The following APBA2 variants were observed in gnomAD, a reference collection of about 807,000 sequenced individuals.
The protein encoded by APBA2 is amyloid beta precursor protein binding family A member 2.
Under a neutral mutation model 75.0 loss-of-function variants are expected in APBA2, and 30 were observed. The observed-to-expected ratio is 0.40, with a 90% CI of 0.30 to 0.54. The LOEUF (loss-of-function observed/expected upper bound fraction) is 0.54, where lower values mean the gene tolerates loss of function less well. Among genes scored for constraint, APBA2 ranks in the 20% least tolerant of loss-of-function variants. The probability of loss-of-function intolerance (pLI) is 0.49; values close to 1 mark genes in which losing one functional copy is unlikely to be tolerated. For synonymous variants in APBA2, 444 were observed against 409.6 expected (o/e 1.08, Z -1.01); for missense variants, 801 against 1,016.1 (o/e 0.79, Z 2.88).
In APBA2 at chr15:28,998,444, C is replaced by T. The variant is rs184712006; in HGVS notation, c.-41+2638C>T. Among the ~76,000 whole-genome samples, 733 of 152,156 alleles carry T rather than the reference C, an allele frequency of 4.8e-3. 3 individuals carry two copies. Among genetic ancestry groups the T allele is most frequent in the Non-Finnish European group, 8.4e-3 (574 of 68,012 alleles). Reference sequence around the variant, plus strand: ...CTGATGTGATACTAGCATGTACCCCCGTATGGATGCATATAAATGCTGTGT... The same window carrying T: ...CTGATGTGATACTAGCATGTACCCCTGTATGGATGCATATAAATGCTGTGT... On this transcript the variant is annotated intron_variant, in intron 3 of 14. Transcript: ENST00000683413.
intron 8 of APBA2, among the ~76,000 whole-genome samples, chr15:29,096,258 C>T (rs190331855): frequency 1.3e-5 from 2 of 152,294 alleles, no homozygotes; most frequent in Admixed American, 1.3e-4. Context: ...TGTCGACACC[C>T]TCCCTTCTTC....
chr15:29,096,260 C>T (rs1479555229), intron 8 of APBA2, among the ~76,000 whole-genome samples: 2 of 152,182 alleles, frequency 1.3e-5, no homozygotes, highest in African/African-American at 4.8e-5. Context: ...TCGACACCCT[C>T]CCTTCTTCTG....
intron 6 of APBA2, among the ~76,000 whole-genome samples, chr15:29,077,641 C>T (rs1458147514): frequency 3.3e-5 from 5 of 152,112 alleles, no homozygotes; most frequent in Non-Finnish European, 7.4e-5. Flanking sequence ...CAAACAAGGC[C>T]GGTGGCTTAA....
intron 1 of APBA2, among the ~76,000 whole-genome samples, chr15:28,919,926 C>T (rs1275631074): frequency 1.3e-5 from 2 of 152,192 alleles, no homozygotes; most frequent in Non-Finnish European, 2.9e-5. Context: ...AGCTTGCTTC[C>T]TCTGTAGCCC....
intron 2 of APBA2, among the ~76,000 whole-genome samples, chr15:28,952,433 G>A (rs191341143): frequency 6.6e-6 from 1 of 152,252 alleles, no homozygotes; most frequent in East Asian, 1.9e-4. Context: ...GTGGGAGGCA[G>A]AGGCAAGAGG....
Position 29,054,955 on chromosome 15 carries a change from T to C in APBA2, c.951+120T>C, listed in dbSNP as rs2041815177. 3 of 942,502 alleles carry C rather than the reference T, an allele frequency of 3.2e-6. No individual in the cohort carries two copies. The highest frequency in any genetic ancestry group is 4.9e-6 in the Non-Finnish European group (3 of 613,828). The allele number at this position is 942,502 out of a possible 1,614,324, so 58.4% of individuals were successfully genotyped here. The stretch of plus-strand genomic sequence containing the variant: ...GGGGGTGCTGGGTGCCTCACAGTTC[T>C]AATGGTGGCTGAGCTCTTCATTGGT... On this transcript the variant is annotated intron_variant, in intron 4 of 14. Coordinates refer to ENST00000683413, the MANE Select transcript of APBA2 (RefSeq NM_001353788.2). The surrounding 1 kb of genome is among the most constrained non-coding windows in gnomAD (Gnocchi z 6.1).
chr15:28,972,698 T>A (rs2152754522), intron 2 of APBA2, among the ~76,000 whole-genome samples: 1 of 152,308 alleles, frequency 6.6e-6, no homozygotes, highest in Admixed American at 6.5e-5. Context: ...CAGCTGGCAT[T>A]AGTGATATGT....
At position 29,113,977 on chromosome 15, in the gene APBA2, C is replaced by G. The variant is rs540117581; in HGVS notation, c.2139C>G (p.His713Gln). The G allele has an allele frequency of 1.9e-6, 3 of 1,613,670 alleles. No individual in the cohort carries two copies. Among genetic ancestry groups the G allele is most frequent in the African/African-American group, 2.7e-5 (2 of 74,932 alleles). ...GGCAGAGCGTGGTGGCCACAGCCCA[C>G]GAGAAGATAGTCCAAGCTCTGTCCA... is the stretch of plus-strand genomic sequence containing the variant. ...INGQSVVATA[H>Q]EKIVQALSNS... The change falls in exon 14 of 15, where the codon CAC (histidine) becomes CAG (glutamine). Residue 713 changes from histidine (H) to glutamine (Q), a missense_variant. This residue lies in a region of APBA2 where 367 missense variants were observed against 544.5 expected (regional missense o/e 0.67). Transcript: ENST00000683413.
At chr15:28,963,339 G>A (rs780867693) in intron 2 of APBA2, among the ~76,000 whole-genome samples, 1 of 152,322 alleles carries the variant, frequency 6.6e-6, no homozygotes, top group East Asian at 1.9e-4. Context: ...CCCGGCAGGG[G>A]CATTGTTGAA....
intron 2 of APBA2, among the ~76,000 whole-genome samples, chr15:28,949,764 C>T (rs941469681): frequency 3.9e-5 from 6 of 152,138 alleles, no homozygotes; most frequent in East Asian, 1.9e-4. Context: ...TTACCACACC[C>T]GGCCTCTTGT....
At chr15:29,095,900 C>T (rs1440467642) in intron 8 of APBA2, among the ~76,000 whole-genome samples, 1 of 152,216 alleles carries the variant, frequency 6.6e-6, no homozygotes, top group African/African-American at 2.4e-5. Flanking sequence ...GAGGGGCCCT[C>T]GCTTGCAGCC....
Position 29,054,227 on chromosome 15 carries a change from G to T in APBA2, c.343G>T (p.Asp115Tyr). 1 of 1,614,142 alleles carries T rather than the reference G, an allele frequency of 6.2e-7. No individual in the cohort carries two copies. Among genetic ancestry groups the T allele is most frequent in the South Asian group, 1.1e-5 (1 of 91,086 alleles). The stretch of plus-strand genomic sequence containing the variant: ...GGACGACAGCTACCTAGAGGGCATG[G>T]ACTGCAACGGGGAGGAGTACCTGGC... ...PEDDSYLEGM[D>Y]CNGEEYLAHS... Residue 115 changes from aspartate (D) to tyrosine (Y), a missense_variant, in exon 4 of 15, where the codon GAC becomes TAC. By Grantham distance (160) the Asp-to-Tyr change is radical. Around this residue, in one of 2 missense-constraint regions of APBA2, gnomAD observed 434 missense variants for 471.6 expected, o/e 0.92. Transcript: ENST00000683413. This position sits in a 1 kb window ranked among gnomAD's most constrained non-coding sequence, Gnocchi z 6.1.
chr15:28,895,288 C>A (rs1470901517), intron 1 of APBA2, among the ~76,000 whole-genome samples: 1 of 152,170 alleles, frequency 6.6e-6, no homozygotes, highest in Non-Finnish European at 1.5e-5. Context: ...CTGGCCTCAG[C>A]CTGGCTGGGC....
Position 28,906,547 on chromosome 15 carries a change from G to A in APBA2, c.-204-15093G>A, listed in dbSNP as rs1340058282. Among the ~76,000 whole-genome samples, 9 of 152,224 alleles carry A rather than the reference G, an allele frequency of 5.9e-5. No homozygotes were observed. In the South Asian group the frequency reaches 1.4e-3, roughly 25 times the overall value. On this transcript the variant is annotated intron_variant, in intron 1 of 14. Transcript: ENST00000683413. ...GGGCTGAATGGTTTGGGCATTCAGA[G>A]TGTCAACAGATATTGCCAAGTTGCT...
At chr15:28,946,639 C>T (rs569905336) in intron 2 of APBA2, among the ~76,000 whole-genome samples, 6 of 152,096 alleles carry the variant, frequency 3.9e-5, no homozygotes, top group Admixed American at 6.5e-5. Flanking sequence ...AGTGCAGTGG[C>T]GCCATCTCAG....
At chr15:28,951,818 T>A (rs2035891330) in intron 2 of APBA2, among the ~76,000 whole-genome samples, 1 of 149,258 alleles carries the variant, frequency 6.7e-6, no homozygotes, top group African/African-American at 2.5e-5. Context: ...CTTGACCTCA[T>A]GATCCATCCG....
chr15:29,050,041 C>A (rs756682878), intron 3 of APBA2, among the ~76,000 whole-genome samples: 3 of 152,022 alleles, frequency 2.0e-5, no homozygotes, highest in Admixed American at 6.6e-5. Context: ...ATTAATGAGA[C>A]CCTCATAAAA....
rs1396396859 is a variant in APBA2 at position 29,117,193 on chromosome 15, G to A, written c.*60G>A. Reference sequence around the variant, plus strand: ...GGCAGGGCCGCCCGGGCCCAGAGGAGCTGGGAGCCGGGCCGCAGACTTGAC... The same window carrying A: ...GGCAGGGCCGCCCGGGCCCAGAGGAACTGGGAGCCGGGCCGCAGACTTGAC... On this transcript the variant is annotated 3_prime_UTR_variant, in exon 15 of 15. Coordinates refer to ENST00000683413, the MANE Select transcript of APBA2 (RefSeq NM_001353788.2). 1 of 1,542,054 alleles carries A rather than the reference G, an allele frequency of 6.5e-7. No homozygotes were observed. Among genetic ancestry groups the A allele is most frequent in the Middle Eastern group, 1.8e-4 (1 of 5,480 alleles).
intron 3 of APBA2, among the ~76,000 whole-genome samples, chr15:29,045,103 C>CTCT (rs57446098): frequency 7.1e-5 from 10 of 140,378 alleles, no homozygotes; most frequent in East Asian, 6.6e-4. Context: ...CTCTCTCTCT[C>CTCT]GTCTCGCACT....
Sources: gnomAD v4.1 joint callset for allele counts (sites outside exome capture counted in the v4.1 genomes callset) on GRCh38, gnomAD v4.1.1 for gene constraint, gnomAD v4.1.1 regional missense constraint, Gnocchi (gnomAD v3.1) non-coding constraint, MANE v1.5 for transcripts, NCBI Gene and HGNC (gene_info 2026-07-23, HGNC 2026-07-21) for gene names.